The following NELL2 variants were observed in gnomAD, a reference collection of about 807,000 sequenced individuals.
The protein encoded by NELL2 is protein kinase C-binding protein NELL2.
Under a neutral mutation model 109.6 loss-of-function variants are expected in NELL2, and 41 were observed. The observed-to-expected ratio is 0.37, with a 90% CI of 0.29 to 0.49. The LOEUF (loss-of-function observed/expected upper bound fraction) is 0.49, where lower values mean the gene tolerates loss of function less well. Among genes scored for constraint, NELL2 ranks in the 20% least tolerant of loss-of-function variants. NELL2 has a pLI of 0.98. For missense variants in NELL2, 900 were observed against 1,008.3 expected, an observed-to-expected ratio of 0.89 and a Z score of 1.45; for synonymous variants, 355 against 344.7, an observed-to-expected ratio of 1.03 and a Z score of -0.33.
intron 2 of NELL2, among the ~76,000 whole-genome samples, chr12:44,834,749 A>T (rs1943999145): frequency 6.6e-6 from 1 of 152,096 alleles, no homozygotes; most frequent in Non-Finnish European, 1.5e-5. Flanking sequence ...CCACCCCAGC[A>T]GATCCCGGGG....
intron 18 of NELL2, among the ~76,000 whole-genome samples, chr12:44,520,917 C>T (rs1941496670): frequency 6.6e-6 from 1 of 152,146 alleles, no homozygotes; most frequent in Non-Finnish European, 1.5e-5. Flanking sequence ...TGACCTTGCT[C>T]TTTCCATTGA....
chr12:44,733,873 C>T (rs1040059684), intron 9 of NELL2, among the ~76,000 whole-genome samples: 2 of 151,966 alleles, frequency 1.3e-5, no homozygotes, highest in Non-Finnish European at 2.9e-5. Flanking sequence ...ATACAGCATA[C>T]TCTGTATAAT....
rs1946714755 is a variant in NELL2 at position 44,638,111 on chromosome 12, T to C, written c.1445-27141A>G. Among the ~76,000 whole-genome samples, 3 of 152,220 alleles carry C rather than the reference T, an allele frequency of 2.0e-5. No individual in the cohort carries two copies. The South Asian group carries it at 6.2e-4, about 32-fold the overall frequency. Reference sequence around the variant, plus strand: ...CTCAATGAATTTACAAAGCATTCATTTCCATGCACGCCCTTAATTTGCAAA... The same window carrying C: ...CTCAATGAATTTACAAAGCATTCATCTCCATGCACGCCCTTAATTTGCAAA... On this transcript the variant is annotated intron_variant, in intron 13 of 19. Coordinates refer to ENST00000429094, the MANE Select transcript of NELL2 (RefSeq NM_001145108.2).
intron 9 of NELL2, among the ~76,000 whole-genome samples, chr12:44,731,922 A>C (rs892703782): frequency 6.6e-6 from 1 of 152,044 alleles, no homozygotes; most frequent in African/African-American, 2.4e-5. Flanking sequence ...TGTGCGCCTA[A>C]ACTCTAACAA....
At chr12:44,720,797 T>C (rs190073253) in intron 9 of NELL2, among the ~76,000 whole-genome samples, 1 of 152,258 alleles carries the variant, frequency 6.6e-6, no homozygotes, top group East Asian at 1.9e-4. Context: ...AATATTAGAG[T>C]TTAAGAAGTG....
In NELL2 at chr12:44,611,014, A is replaced by G. The variant is rs983779028; in HGVS notation, c.1445-44T>C. 5 of 1,595,276 alleles carry G rather than the reference A, an allele frequency of 3.1e-6. No individual in the cohort carries two copies. The African/African-American group carries it at 6.7e-5, about 21-fold the overall frequency. On this transcript the variant is annotated intron_variant, in intron 13 of 19. Transcript: ENST00000429094. The stretch of plus-strand genomic sequence containing the variant: ...TTTTGTTACTCAAAGTTATATTTCC[A>G]AAGCTATATTTTAAACTACACCTTC...
chr12:44,594,550 G>A (rs145103799), intron 15 of NELL2, among the ~76,000 whole-genome samples: 21 of 152,086 alleles, frequency 1.4e-4, no homozygotes, highest in Middle Eastern at 6.8e-3. Context: ...AAGTTATATC[G>A]GATTTCCAAG....
At chr12:44,535,816 G>C (rs1046029449) in intron 15 of NELL2, among the ~76,000 whole-genome samples, 1 of 151,838 alleles carries the variant, frequency 6.6e-6, no homozygotes, top group Non-Finnish European at 1.5e-5. Flanking sequence ...GTGAAGTTTT[G>C]AAAACAGCAA....
chr12:44,836,051 C>T (rs1391419795), intron 2 of NELL2, among the ~76,000 whole-genome samples: 9 of 152,140 alleles, frequency 5.9e-5, no homozygotes, highest in African/African-American at 2.2e-4. Context: ...GGAGTCTAGA[C>T]AGGTGGTTAG....
intron 2 of NELL2, among the ~76,000 whole-genome samples, chr12:44,855,503 T>G (rs1201271210): frequency 6.6e-6 from 1 of 152,186 alleles, no homozygotes; most frequent in East Asian, 1.9e-4. Context: ...GGCTAAAAAT[T>G]CTAAGGTCTT....
At chr12:44,708,346 G>A (rs958886796) in intron 11 of NELL2, among the ~76,000 whole-genome samples, 1 of 152,158 alleles carries the variant, frequency 6.6e-6, no homozygotes, top group Admixed American at 6.5e-5. Context: ...TCGGTGTGTA[G>A]CTTAGTTTCC....
At chr12:44,751,240 G>C (rs1307014774) in intron 9 of NELL2, among the ~76,000 whole-genome samples, 1 of 152,112 alleles carries the variant, frequency 6.6e-6, no homozygotes, top group African/African-American at 2.4e-5. Context: ...TGTTGTTTTG[G>C]TTTTGGATGA....
At chr12:44,894,828 T>C (rs761514095) in intron 1 of NELL2, among the ~76,000 whole-genome samples, 5 of 152,208 alleles carry the variant, frequency 3.3e-5, no homozygotes, top group East Asian at 1.9e-4. Flanking sequence ...ATTTAGATAA[T>C]AGATAACATC....
chr12:44,589,684 G>A (rs1270405329), intron 15 of NELL2, among the ~76,000 whole-genome samples: 1 of 152,116 alleles, frequency 6.6e-6, no homozygotes, highest in Non-Finnish European at 1.5e-5. Context: ...ACTTTTAAGC[G>A]ATGCTTGCTA....
chr12:44,792,839 T>C (rs12304679), intron 3 of NELL2, among the ~76,000 whole-genome samples: 3,786 of 152,266 alleles, frequency 0.025, 160 homozygotes, highest in African/African-American at 0.087. Context: ...ACACCTTAAA[T>C]GTGCATACTC....
chr12:44,875,071 G>T (rs1300020147), intron 2 of NELL2, 154 bp downstream of exon 2: 1 of 1,005,472 alleles, frequency 9.9e-7, no homozygotes, highest in Non-Finnish European at 1.4e-6. Flanking sequence ...ACTTAAAAGA[G>T]ATAGGGATAT....
upstream of NELL2, among the ~76,000 whole-genome samples, chr12:44,877,802 T>G (rs1051926511): frequency 6.6e-6 from 1 of 152,182 alleles, no homozygotes; most frequent in African/African-American, 2.4e-5. Context: ...TTTGTAACTT[T>G]GTAAAGTTTG....
intron 16 of NELL2, among the ~76,000 whole-genome samples, chr12:44,529,375 T>C (rs550252086): frequency 6.6e-6 from 1 of 152,250 alleles, no homozygotes; most frequent in African/African-American, 2.4e-5. Flanking sequence ...AAATGAAAAG[T>C]TCTGTTTTAG....
intron 9 of NELL2, among the ~76,000 whole-genome samples, chr12:44,736,595 A>G (rs1939667393): frequency 6.6e-6 from 1 of 152,186 alleles, no homozygotes; most frequent in South Asian, 2.1e-4. Flanking sequence ...CTTTGCTAAC[A>G]TGTGGCTCTG....
Sources: gnomAD v4.1 joint callset for allele counts (sites outside exome capture counted in the v4.1 genomes callset) on GRCh38, gnomAD v4.1.1 for gene constraint, MANE v1.5 for transcripts, NCBI Gene and HGNC (gene_info 2026-07-23, HGNC 2026-07-21) for gene names.